The following RCAN2 variants were observed in gnomAD, a reference collection of about 807,000 sequenced individuals.
The protein encoded by RCAN2 is regulator of calcineurin 2.
In RCAN2, 9 loss-of-function variants were observed where a neutral mutation model predicts 23.6. That is an observed-to-expected ratio of 0.38 (90% CI 0.23 to 0.67). The LOEUF (loss-of-function observed/expected upper bound fraction) is 0.67. RCAN2 is among the 30% of genes least tolerant of loss of function. The pLI is 0.51. For missense variants in RCAN2, 273 were observed against 302.3 expected (o/e 0.90, Z 0.72); for synonymous variants, 109 against 115.7 (o/e 0.94, Z 0.37).
chr6:46,270,042 C>G (rs774984615), intron 2 of RCAN2, among the ~76,000 whole-genome samples: 2 of 152,102 alleles, frequency 1.3e-5, no homozygotes, highest in Admixed American at 6.5e-5. Context: ...TTAGAGGTAG[C>G]GAATGATTGC....
intron 2 of RCAN2, among the ~76,000 whole-genome samples, chr6:46,401,167 T>A (rs184764730): frequency 6.6e-6 from 1 of 152,278 alleles, no homozygotes; most frequent in East Asian, 1.9e-4. Context: ...AGTTACTGCT[T>A]CTTCTGTTCA....
At chr6:46,444,042 G>A (rs1767626317) in intron 2 of RCAN2, among the ~76,000 whole-genome samples, 1 of 152,150 alleles carries the variant, frequency 6.6e-6, no homozygotes. Flanking sequence ...CTGTGTGTCA[G>A]GCCCTATGCA....
At chr6:46,470,646 T>G (rs939180129) in intron 1 of RCAN2, among the ~76,000 whole-genome samples, 4 of 152,246 alleles carry the variant, frequency 2.6e-5, no homozygotes, top group African/African-American at 9.6e-5. Context: ...TCACTTACTT[T>G]TCTCATTTTT....
chr6:46,452,626 C>T (rs9472750), intron 2 of RCAN2, among the ~76,000 whole-genome samples: 4,343 of 152,158 alleles, frequency 0.029, 109 homozygotes, highest in South Asian at 0.12. Flanking sequence ...CAGTAGGGTC[C>T]AGGGAATACA....
intron 4 of RCAN2, among the ~76,000 whole-genome samples, chr6:46,234,992 C>T (rs1189198245): frequency 6.6e-6 from 1 of 152,178 alleles, no homozygotes; most frequent in African/African-American, 2.4e-5. Flanking sequence ...TCACTTGCCA[C>T]AATTGCAGAG....
At chr6:46,268,500 C>A (rs1257097305) in intron 2 of RCAN2, among the ~76,000 whole-genome samples, 1 of 152,162 alleles carries the variant, frequency 6.6e-6, no homozygotes, top group Non-Finnish European at 1.5e-5. Flanking sequence ...TCATGTATCT[C>A]ATATCTTCCT....
intron 2 of RCAN2, among the ~76,000 whole-genome samples, chr6:46,420,705 G>A (rs530451472): frequency 2.0e-5 from 3 of 151,758 alleles, no homozygotes; most frequent in Admixed American, 6.6e-5. Flanking sequence ...CATCAGGCCC[G>A]GCTACTTTTT....
chr6:46,410,291 G>A (rs1211778288), intron 2 of RCAN2, among the ~76,000 whole-genome samples: 1 of 152,112 alleles, frequency 6.6e-6, no homozygotes, highest in African/African-American at 2.4e-5. Flanking sequence ...CTTCATCATT[G>A]CTAAGCTAAT....
chr6:46,235,529 A>G (rs1166767737), intron 4 of RCAN2, among the ~76,000 whole-genome samples: 1 of 152,072 alleles, frequency 6.6e-6, no homozygotes, highest in Non-Finnish European at 1.5e-5. Flanking sequence ...ACGTCTCTCT[A>G]CAAGTTGACT....
intron 2 of RCAN2, among the ~76,000 whole-genome samples, chr6:46,270,990 C>T (rs1767505753): frequency 6.6e-6 from 1 of 152,108 alleles, no homozygotes; most frequent in Admixed American, 6.5e-5. Flanking sequence ...AGCTAAAGAC[C>T]CAATTAAGTC....
intron 2 of RCAN2, among the ~76,000 whole-genome samples, chr6:46,386,956 C>T (rs1765774028): frequency 6.6e-6 from 1 of 152,188 alleles, no homozygotes; most frequent in Non-Finnish European, 1.5e-5. Context: ...CACACATCTA[C>T]AACCATCTGA....
chr6:46,228,108 A>G (rs75289901), intron 4 of RCAN2, among the ~76,000 whole-genome samples: 1 of 152,100 alleles, frequency 6.6e-6, no homozygotes, highest in African/African-American at 2.4e-5. Flanking sequence ...TTAATCCTGA[A>G]TTCTAGTTTG....
At chr6:46,424,704 T>C (rs1766986265) in intron 2 of RCAN2, among the ~76,000 whole-genome samples, 1 of 152,130 alleles carries the variant, frequency 6.6e-6, no homozygotes, top group African/African-American at 2.4e-5. Context: ...CCTGACAGAC[T>C]GTGTGACCTG....
chr6:46,350,916 G>C (rs116686547), intron 2 of RCAN2, among the ~76,000 whole-genome samples: 1 of 152,114 alleles, frequency 6.6e-6, no homozygotes, highest in African/African-American at 2.4e-5. Context: ...GCCCCAAACT[G>C]CCTCTCATGA....
At chr6:46,227,003 T>C (rs536148671) in intron 4 of RCAN2, among the ~76,000 whole-genome samples, 2 of 152,218 alleles carry the variant, frequency 1.3e-5, no homozygotes, top group Non-Finnish European at 2.9e-5. Context: ...TGAAGGGCTG[T>C]TGAATTTTGT....
At chr6:46,457,146 T>C (rs1768061515) in intron 1 of RCAN2, among the ~76,000 whole-genome samples, 168 bp from the exon 2 acceptor site, 1 of 152,156 alleles carries the variant, frequency 6.6e-6, no homozygotes, top group Non-Finnish European at 1.5e-5. Context: ...GTTCCCTTGA[T>C]CCCTGAACCA....
At chr6:46,425,793 CT>C (rs1234707687) in intron 2 of RCAN2, among the ~76,000 whole-genome samples, 1 of 151,840 alleles carries the variant, frequency 6.6e-6, no homozygotes, top group Non-Finnish European at 1.5e-5. Flanking sequence ...ATAAAATTAA[CT>C]TCTCAATTAC....
At chr6:46,462,773 T>C (rs537045630) in intron 1 of RCAN2, among the ~76,000 whole-genome samples, 53 of 152,352 alleles carry the variant, frequency 3.5e-4, no homozygotes, top group Admixed American at 2.0e-3. Flanking sequence ...TTAGAAGACA[T>C]CTGATTCTGC....
chr6:46,243,824 A>C (rs1561823907), intron 4 of RCAN2, among the ~76,000 whole-genome samples: 1 of 150,546 alleles, frequency 6.6e-6, no homozygotes, highest in African/African-American at 2.5e-5. Flanking sequence ...AAAAAAAAAA[A>C]AAAAAAAACC....
Sources: allele counts gnomAD v4.1 joint callset (sites outside exome capture counted in the v4.1 genomes callset), GRCh38; gene constraint gnomAD v4.1.1; transcripts MANE v1.5; gene names NCBI Gene and HGNC (gene_info 2026-07-23, HGNC 2026-07-21).